Variants in HCN1 observed in about 807,000 individuals in gnomAD.
HCN1 encodes the protein potassium/sodium hyperpolarization-activated cyclic nucleotide-gated channel 1.
HCN1 carries 13 observed loss-of-function variants against 78.9 expected under a neutral mutation model. The observed-to-expected ratio is 0.16, with a 90% CI of 0.11 to 0.26. HCN1 has a LOEUF of 0.26. Among genes scored for constraint, HCN1 ranks in the 10% least tolerant of loss-of-function variants. HCN1 has a pLI of 1.00. For synonymous variants in HCN1, 552 were observed against 455.5 expected (o/e 1.21, Z -2.70); for missense variants, 810 against 1,154.3 (o/e 0.70, Z 4.32).
intron 2 of HCN1, among the ~76,000 whole-genome samples, chr5:45,554,370 T>C (rs1171336980): frequency 1.3e-5 from 2 of 151,804 alleles, no homozygotes; most frequent in Admixed American, 1.3e-4. Context: ...CCTGATAAAA[T>C]GTAATCTATC....
chr5:45,366,009 A>G (rs78268560), intron 4 of HCN1, among the ~76,000 whole-genome samples: 3,554 of 152,046 alleles, frequency 0.023, 154 homozygotes, highest in African/African-American at 0.082. Flanking sequence ...GCCAATTAGC[A>G]TAAATCTAGA....
At chr5:45,307,030 CA>C (rs986697516) in intron 5 of HCN1, among the ~76,000 whole-genome samples, 1 of 151,870 alleles carries the variant, frequency 6.6e-6, no homozygotes, top group African/African-American at 2.4e-5. Flanking sequence ...GACCAATCCC[CA>C]AAATGAAACA....
chr5:45,266,857 C>T (rs375141869), intron 7 of HCN1, among the ~76,000 whole-genome samples: 8 of 152,022 alleles, frequency 5.3e-5, no homozygotes, highest in East Asian at 3.9e-4. Context: ...TACAGGTGCA[C>T]GCCACCACAC....
chr5:45,593,485 T>C (rs1356220801), intron 2 of HCN1, among the ~76,000 whole-genome samples: 4 of 151,836 alleles, frequency 2.6e-5, no homozygotes, highest in African/African-American at 9.7e-5. Context: ...AGCTGGTAAA[T>C]TTCTATAACA....
At chr5:45,601,400 A>G (rs754497146) in intron 2 of HCN1, among the ~76,000 whole-genome samples, 1 of 152,184 alleles carries the variant, frequency 6.6e-6, no homozygotes, top group Non-Finnish European at 1.5e-5. Flanking sequence ...ACTAGGAAGG[A>G]AAGTTTTACT....
At chr5:45,320,229 T>C (rs902673330) in intron 5 of HCN1, among the ~76,000 whole-genome samples, 6 of 151,922 alleles carry the variant, frequency 3.9e-5, no homozygotes, top group African/African-American at 1.2e-4. Flanking sequence ...CAAATAAATA[T>C]ATGGAAGCAA....
intron 2 of HCN1, among the ~76,000 whole-genome samples, chr5:45,574,287 AG>A (rs1743893839): frequency 6.6e-6 from 1 of 152,118 alleles, no homozygotes; most frequent in African/African-American, 2.4e-5. Flanking sequence ...TGACACTTTC[AG>A]GTGTCACATT....
rs112143661 is a variant in HCN1, at chr5:45,301,400, A to C, written c.1618+2199T>G. Among the ~76,000 whole-genome samples, 4 of 151,732 alleles carry C rather than the reference A, an allele frequency of 2.6e-5. 1 individual carries two copies. The highest frequency in any genetic ancestry group is 9.6e-5 in the African/African-American group (4 of 41,506). ...AGTAGTCATGATAAAATGTAGTAAA[A>C]CTAAATAAAATAGATAAAAATGTGA... is the stretch of plus-strand genomic sequence containing the variant. On this transcript the variant is annotated intron_variant, in intron 6 of 7. Coordinates refer to ENST00000303230, the MANE Select transcript of HCN1 (RefSeq NM_021072.4).
intron 5 of HCN1, among the ~76,000 whole-genome samples, chr5:45,330,031 G>A (rs865974197): frequency 4.6e-5 from 7 of 150,986 alleles, no homozygotes; most frequent in African/African-American, 9.7e-5. Context: ...TTAGGTTTAC[G>A]AAAAAAATGC....
chr5:45,364,366 C>G lies in HCN1; in HGVS notation c.1231-11120G>C, dbSNP rs948452051. ...GCCTGTTTTCCCTTTAAACATCTACCCTTACAACATGTTTCATGGGCACAT... is the reference window on the plus strand; with the variant it reads ...GCCTGTTTTCCCTTTAAACATCTACGCTTACAACATGTTTCATGGGCACAT... On this transcript the variant is annotated intron_variant, in intron 4 of 7. Coordinates refer to ENST00000303230, the MANE Select transcript of HCN1 (RefSeq NM_021072.4). Among the ~76,000 whole-genome samples, 14 of 152,036 alleles carry G rather than the reference C, an allele frequency of 9.2e-5. No individual in the cohort carries two copies. In the East Asian group the frequency reaches 2.3e-3, roughly 25 times the overall value.
At chr5:45,415,369 T>TA (rs1021456748) in intron 3 of HCN1, among the ~76,000 whole-genome samples, 7 of 151,856 alleles carry the variant, frequency 4.6e-5, no homozygotes, top group African/African-American at 1.7e-4. Context: ...GCTTCAAGAG[T>TA]AAGTTGAACC....
At chr5:45,379,193 C>T (rs1198095670) in intron 4 of HCN1, among the ~76,000 whole-genome samples, 1 of 152,102 alleles carries the variant, frequency 6.6e-6, no homozygotes, top group African/African-American at 2.4e-5. Context: ...TGAGGAATCG[C>T]CACACTGTCT....
At chr5:45,273,784 A>G (rs551985684) in intron 6 of HCN1, among the ~76,000 whole-genome samples, 15 of 152,290 alleles carry the variant, frequency 9.8e-5, no homozygotes, top group Admixed American at 2.0e-4. Context: ...ATGTAACAGA[A>G]AATATCACTT....
At chr5:45,545,527 C>T (rs1403834928) in intron 2 of HCN1, among the ~76,000 whole-genome samples, 6 of 152,118 alleles carry the variant, frequency 3.9e-5, no homozygotes, top group Non-Finnish European at 7.3e-5. Context: ...TTGCCCATGC[C>T]TATGTCCTGA....
At chr5:45,472,170 A>G (rs1435671241) in intron 2 of HCN1, among the ~76,000 whole-genome samples, 1 of 151,910 alleles carries the variant, frequency 6.6e-6, no homozygotes, top group African/African-American at 2.4e-5. Context: ...AACATGATTG[A>G]TCAGAGTCTG....
rs143550957 is a variant in HCN1, at chr5:45,600,422, T to C, written c.849+44763A>G. Among the ~76,000 whole-genome samples, 1,016 of 152,292 alleles carry C rather than the reference T, an allele frequency of 6.7e-3. 12 individuals are homozygous for C. Among genetic ancestry groups the C allele is most frequent in the African/African-American group, 0.024 (980 of 41,572 alleles). On this transcript the variant is annotated intron_variant, in intron 2 of 7. Transcript: ENST00000303230. ...TCCCAGTATTTAATAATGGAAACATTGTAGAGTCATTGGAATTTTCATATG... is the reference window on the plus strand; with the variant it reads ...TCCCAGTATTTAATAATGGAAACATCGTAGAGTCATTGGAATTTTCATATG...
At chr5:45,499,512 C>T (rs955282954) in intron 2 of HCN1, among the ~76,000 whole-genome samples, 26 of 152,208 alleles carry the variant, frequency 1.7e-4, no homozygotes, top group East Asian at 9.7e-4. Context: ...GAGATGAACC[C>T]GGTACCTCAG....
At chr5:45,365,584 C>CA (rs1747218161) in intron 4 of HCN1, among the ~76,000 whole-genome samples, 1 of 151,868 alleles carries the variant, frequency 6.6e-6, no homozygotes, top group Non-Finnish European at 1.5e-5. Flanking sequence ...TTTATCCATT[C>CA]AACTGTTGGT....
intron 1 of HCN1, among the ~76,000 whole-genome samples, chr5:45,680,675 T>C (rs1160033274): frequency 6.6e-6 from 1 of 152,106 alleles, no homozygotes; most frequent in Non-Finnish European, 1.5e-5. Context: ...AATAATAATA[T>C]TGTACTGTCC....
Sources: allele counts gnomAD v4.1 joint callset (sites outside exome capture counted in the v4.1 genomes callset), GRCh38; gene constraint gnomAD v4.1.1; transcripts MANE v1.5; gene names NCBI Gene and HGNC (gene_info 2026-07-23, HGNC 2026-07-21).